Variants in CDH13 observed in about 807,000 individuals in gnomAD.
CDH13 encodes the protein cadherin 13.
Under a neutral mutation model 63.8 loss-of-function variants are expected in CDH13, and 24 were observed. The ratio of observed to expected loss-of-function variants is 0.38; its 90% confidence interval spans 0.27 to 0.53. The LOEUF is 0.53. Ranked by LOEUF, CDH13 falls within the 20% of genes least tolerant of loss-of-function variation. CDH13 has a pLI of 0.85. For missense variants in CDH13, 1,049 were observed against 903.1 expected (o/e 1.16, Z -2.07); for synonymous variants, 503 against 355.3 (o/e 1.42, Z -4.67).
intron 5 of CDH13, among the ~76,000 whole-genome samples, chr16:83,273,279 C>G (rs570524582): frequency 6.6e-6 from 1 of 152,064 alleles, no homozygotes; most frequent in African/African-American, 2.4e-5. Context: ...ATTTTGTCAT[C>G]CACGTACTAA....
intron 1 of CDH13, among the ~76,000 whole-genome samples, chr16:82,718,498 A>C (rs555349634): frequency 1.3e-5 from 2 of 152,204 alleles, no homozygotes; most frequent in Non-Finnish European, 2.9e-5. Context: ...GTGTTAAGGA[A>C]GGAAACAGAA....
In CDH13 at chr16:83,225,587, C is replaced by T. The variant is rs540739211; in HGVS notation, c.636+8090C>T. Reference sequence around the variant, plus strand: ...TGATAGGGGAAATTAGCCTTGGGGTCGGCAGAACCAGCTTTATCTGCCTTA... The same window carrying T: ...TGATAGGGGAAATTAGCCTTGGGGTTGGCAGAACCAGCTTTATCTGCCTTA... On this transcript the variant is annotated intron_variant, in intron 5 of 13. Coordinates refer to ENST00000567109, the MANE Select transcript of CDH13 (RefSeq NM_001257.5). 8.0e-4 allele frequency among the ~76,000 whole-genome samples: 122 copies of T among 152,234 alleles called. 2 individuals are homozygous for T. Among genetic ancestry groups the T allele is most frequent in the African/African-American group, 2.9e-3 (121 of 41,530 alleles).
intron 6 of CDH13, among the ~76,000 whole-genome samples, chr16:83,362,324 G>A (rs2091177795): frequency 6.6e-6 from 1 of 152,192 alleles, no homozygotes; most frequent in South Asian, 2.1e-4. Flanking sequence ...CCGCGTGTAT[G>A]AGCTGTAATG....
intron 6 of CDH13, among the ~76,000 whole-genome samples, chr16:83,399,179 C>T (rs1437364719): frequency 6.6e-6 from 1 of 152,192 alleles, no homozygotes; most frequent in African/African-American, 2.4e-5. Context: ...CCTGAACATG[C>T]TCCTTTTTTG....
At position 82,854,082 on chromosome 16, in the gene CDH13, T is replaced by C. The variant is rs547628684; in HGVS notation, c.46-4280T>C. Among the ~76,000 whole-genome samples, 10 of 152,246 alleles carry C rather than the reference T, an allele frequency of 6.6e-5. No homozygotes were observed. In the South Asian group the frequency reaches 1.7e-3, roughly 25 times the overall value. On this transcript the variant is annotated intron_variant, in intron 1 of 13. Coordinates refer to ENST00000567109, the MANE Select transcript of CDH13 (RefSeq NM_001257.5). ...TATCGGTGGCAAGTTCAAGCATAGATACTGTTTTGAATTCTCTTAAGAAAT... is the reference window on the plus strand; with the variant it reads ...TATCGGTGGCAAGTTCAAGCATAGACACTGTTTTGAATTCTCTTAAGAAAT...
chr16:83,460,056 C>A (rs2073134873), intron 6 of CDH13, among the ~76,000 whole-genome samples: 1 of 151,834 alleles, frequency 6.6e-6, no homozygotes, highest in Admixed American at 6.6e-5. Context: ...CTTCTAAACT[C>A]AATAAGATAG....
chr16:83,087,499 G>A (rs1197308562), intron 3 of CDH13, among the ~76,000 whole-genome samples: 1 of 151,714 alleles, frequency 6.6e-6, no homozygotes, highest in African/African-American at 2.4e-5. Flanking sequence ...GAAACCCTGT[G>A]TCTACTAAAA....
At chr16:82,846,024 C>G (rs1279521972) in intron 1 of CDH13, among the ~76,000 whole-genome samples, 2 of 152,192 alleles carry the variant, frequency 1.3e-5, no homozygotes, top group Non-Finnish European at 2.9e-5. Flanking sequence ...TTTATCCAAA[C>G]TGAAGGAGGG....
chr16:82,662,425 G>A (rs927258182), intron 1 of CDH13, among the ~76,000 whole-genome samples: 9 of 152,220 alleles, frequency 5.9e-5, no homozygotes, highest in African/African-American at 1.4e-4. Flanking sequence ...AGAGATTTAT[G>A]TGATGAAAAC....
At chr16:83,247,225 C>T (rs1905070046) in intron 5 of CDH13, among the ~76,000 whole-genome samples, 1 of 152,098 alleles carries the variant, frequency 6.6e-6, no homozygotes, top group Non-Finnish European at 1.5e-5. Flanking sequence ...AGTGTAAGCC[C>T]ACTAGAAGGA....
rs74031448 is a variant in CDH13, at chr16:83,180,977, G to A, written c.484-36368G>A. 7.8e-4 allele frequency: 1,197 copies of A among 1,531,050 alleles called. 16 individuals are homozygous for A. The African/African-American group carries it at 0.015, about 19-fold the overall frequency. The allele number at this position is 1,531,050 out of a possible 1,614,324, so 94.8% of individuals were successfully genotyped here. A position where few individuals can be genotyped will look rare whatever the true frequency, so the allele number is the denominator to read the frequency against. ...CAATTTAATGAACATCCTATTTGGC[G>A]ACATTATTGCTTTAAAGGAATAAAT... On this transcript the variant is annotated intron_variant, in intron 4 of 13. Transcript: ENST00000567109.
intron 6 of CDH13, among the ~76,000 whole-genome samples, chr16:83,398,675 C>A (rs992322856): frequency 6.6e-6 from 1 of 152,162 alleles, no homozygotes; most frequent in Admixed American, 6.5e-5. Context: ...GTACTTCTAA[C>A]ATGTTCACAG....
intron 1 of CDH13, among the ~76,000 whole-genome samples, chr16:82,775,935 T>C (rs1597539389): frequency 1.3e-5 from 2 of 152,136 alleles, no homozygotes; most frequent in South Asian, 2.1e-4. Context: ...TCAGGCTGCA[T>C]GCAGTGGCTC....
chr16:83,147,044 C>G (rs894976240), intron 4 of CDH13, among the ~76,000 whole-genome samples: 1 of 152,018 alleles, frequency 6.6e-6, no homozygotes, highest in Non-Finnish European at 1.5e-5. Context: ...GATGAGATCA[C>G]GCCGCTGTAC....
chr16:83,574,142 G>A (rs1019559241), intron 7 of CDH13, among the ~76,000 whole-genome samples: 2 of 152,186 alleles, frequency 1.3e-5, no homozygotes, highest in African/African-American at 4.8e-5. Flanking sequence ...AGATGAGAGA[G>A]ATAAGTGCCT....
intron 7 of CDH13, among the ~76,000 whole-genome samples, chr16:83,585,354 T>C (rs1480956561): frequency 2.6e-5 from 4 of 151,596 alleles, no homozygotes; most frequent in African/African-American, 9.7e-5. Context: ...GAGGTTGGAG[T>C]CGTGTGAGAG....
chr16:83,693,356 T>G (rs1316538818), intron 10 of CDH13, among the ~76,000 whole-genome samples: 1 of 152,228 alleles, frequency 6.6e-6, no homozygotes, highest in South Asian at 2.1e-4. Context: ...ATTAACTGAT[T>G]CGCATTTTTA....
intron 4 of CDH13, among the ~76,000 whole-genome samples, chr16:83,215,480 A>G (rs1488200844): frequency 7.5e-6 from 1 of 134,106 alleles, no homozygotes; most frequent in Non-Finnish European, 1.6e-5. Context: ...GTGTATTTTA[A>G]TAAACAACAT....
At chr16:83,070,348 C>T (rs1027334923) in intron 3 of CDH13, among the ~76,000 whole-genome samples, 1 of 152,092 alleles carries the variant, frequency 6.6e-6, no homozygotes, top group Non-Finnish European at 1.5e-5. Flanking sequence ...CCATAAGTAC[C>T]AAGGAATTCA....
Sources: allele counts gnomAD v4.1 joint callset (sites outside exome capture counted in the v4.1 genomes callset), GRCh38; gene constraint gnomAD v4.1.1; transcripts MANE v1.5; gene names NCBI Gene and HGNC (gene_info 2026-07-23, HGNC 2026-07-21).